TMPRSS15: variants seen among roughly 807,000 people sequenced by gnomAD.
TMPRSS15 encodes enteropeptidase.
Under a neutral mutation model 125.3 loss-of-function variants are expected in TMPRSS15, and 128 were observed. That is an observed-to-expected ratio of 1.02 (90% CI 0.89 to 1.18). The LOEUF (loss-of-function observed/expected upper bound fraction) is 1.18. Ranked by LOEUF, TMPRSS15 falls within the 50% of genes most tolerant of loss-of-function variation. The pLI is 0.00. For missense variants in TMPRSS15, 1,283 were observed against 1,212.7 expected (o/e 1.06, Z -0.86); for synonymous variants, 446 against 423.2 (o/e 1.05, Z -0.66).
chr21:18,445,331 C>A (rs1362117095), intron 1 of TMPRSS15, among the ~76,000 whole-genome samples: 1 of 151,680 alleles, frequency 6.6e-6, no homozygotes, highest in Non-Finnish European at 1.5e-5. Flanking sequence ...CAGTCATGCA[C>A]CACCACTCCT....
At chr21:18,329,419 A>G in intron 14 of TMPRSS15, 125 bp from the exon 15 acceptor site, 2 of 963,804 alleles carry the variant, frequency 2.1e-6, no homozygotes, top group Non-Finnish European at 3.0e-6. Context: ...CATGAAAATC[A>G]GTGTTTCAAG....
At chr21:18,365,464 CTCTCTCTT>C (rs924081430) in intron 6 of TMPRSS15, among the ~76,000 whole-genome samples, 8 of 151,938 alleles carry the variant, frequency 5.3e-5, no homozygotes, top group Non-Finnish European at 1.0e-4. Flanking sequence ...TTCTTTCTCT[CTCTCTCTT>C]TCTCTCTTTC....
chr21:18,373,970 T>C (rs1032458077), intron 5 of TMPRSS15, among the ~76,000 whole-genome samples: 5 of 151,994 alleles, frequency 3.3e-5, no homozygotes, highest in Non-Finnish European at 7.4e-5. Context: ...TCAAGTTAAG[T>C]GGGGGGAAAT....
intron 8 of TMPRSS15, among the ~76,000 whole-genome samples, chr21:18,358,942 GTTA>G (rs1438093180): frequency 6.6e-6 from 1 of 152,018 alleles, no homozygotes; most frequent in African/African-American, 2.4e-5. Flanking sequence ...TTAAAATAAA[GTTA>G]TTATATAAAA....
At chr21:18,380,499 G>A (rs1415652123) in intron 4 of TMPRSS15, 9 of 465,200 alleles carry the variant, frequency 1.9e-5, no homozygotes, top group Admixed American at 7.1e-5. Context: ...AGAGTTTGAT[G>A]ATCACTAAGT....
At chr21:18,293,408 T>C (rs971309451) in intron 21 of TMPRSS15, among the ~76,000 whole-genome samples, 1 of 152,132 alleles carries the variant, frequency 6.6e-6, no homozygotes, top group African/African-American at 2.4e-5. Context: ...CTAATCCTCA[T>C]GGGTAAGGTC....
At chr21:18,466,849 G>T (rs1055350776) in intron 1 of TMPRSS15, among the ~76,000 whole-genome samples, 2 of 152,150 alleles carry the variant, frequency 1.3e-5, no homozygotes, top group African/African-American at 4.8e-5. Context: ...AAGACAGTCT[G>T]GAGATTCCTC....
intron 21 of TMPRSS15, among the ~76,000 whole-genome samples, chr21:18,281,825 C>T (rs1327294827): frequency 2.0e-5 from 3 of 152,014 alleles, no homozygotes; most frequent in East Asian, 1.9e-4. Flanking sequence ...AAGCCAGGCG[C>T]GGTGGCTCAC....
At chr21:18,300,632 A>G (rs1315983755) in intron 18 of TMPRSS15, among the ~76,000 whole-genome samples, 1 of 152,174 alleles carries the variant, frequency 6.6e-6, no homozygotes, top group Non-Finnish European at 1.5e-5. Context: ...GGTGTGAGCC[A>G]CCACACCTGG....
At chr21:18,313,884 C>A (rs2075128917) in intron 17 of TMPRSS15, among the ~76,000 whole-genome samples, 1 of 130,086 alleles carries the variant, frequency 7.7e-6, no homozygotes, top group Non-Finnish European at 1.5e-5. Flanking sequence ...TTAGGAATTC[C>A]CTCCCCACCA....
At chr21:18,272,083 T>C (rs1267436810) in intron 24 of TMPRSS15, among the ~76,000 whole-genome samples, 1 of 152,204 alleles carries the variant, frequency 6.6e-6, no homozygotes, top group South Asian at 2.1e-4. Flanking sequence ...TTAATCCCAG[T>C]AAAGGGATTG....
At chr21:18,357,180 A>G (rs1380059433) in intron 8 of TMPRSS15, among the ~76,000 whole-genome samples, 1 of 151,910 alleles carries the variant, frequency 6.6e-6, no homozygotes, top group African/African-American at 2.4e-5. Context: ...CATATGAAGT[A>G]TTAATAATTA....
At chr21:18,365,396 AT>A in intron 6 of TMPRSS15, 148 bp from the exon 7 acceptor site, 3 of 736,754 alleles carry the variant, frequency 4.1e-6, no homozygotes, top group Non-Finnish European at 7.2e-6. Flanking sequence ...TTTGAAACCT[AT>A]TAGCCATGTT....
intron 18 of TMPRSS15, among the ~76,000 whole-genome samples, chr21:18,301,502 A>G (rs1236758260): frequency 1.3e-5 from 2 of 152,198 alleles, no homozygotes; most frequent in African/African-American, 4.8e-5. Flanking sequence ...TTCAGAGGAA[A>G]TGTATTATAT....
chr21:18,483,068 T>C (rs755893316), intron 1 of TMPRSS15, among the ~76,000 whole-genome samples: 8 of 151,840 alleles, frequency 5.3e-5, no homozygotes, highest in Non-Finnish European at 1.0e-4. Context: ...ATATTATTCA[T>C]ATGTGATTTA....
At chr21:18,270,225 A>G in intron 24 of TMPRSS15, 101 bp from the exon 25 acceptor site, 1 of 1,056,966 alleles carries the variant, frequency 9.5e-7, no homozygotes, top group Admixed American at 2.2e-5. Flanking sequence ...AAAATTAATT[A>G]AAAAATATGA....
At chr21:18,396,575 C>T (rs972118693) in intron 3 of TMPRSS15, among the ~76,000 whole-genome samples, 4 of 151,848 alleles carry the variant, frequency 2.6e-5, no homozygotes, top group Admixed American at 6.6e-5. Flanking sequence ...GAGATCGAGA[C>T]GATCTTGGCT....
rs561961491 is a variant in TMPRSS15 at position 18,307,781 on chromosome 21, T to C, written c.2165+5164A>G. Among the ~76,000 whole-genome samples the C allele has an allele frequency of 4.4e-4, 67 of 152,250 alleles. 1 individual carries two copies. The highest frequency in any genetic ancestry group is 1.2e-3 in the South Asian group (6 of 4,824). The stretch of plus-strand genomic sequence containing the variant: ...ATTTTGCTATCAGCCAACTAACAGG[T>C]TTCATTCAAATTAATTGAAAAAAAC... On this transcript the variant is annotated intron_variant, in intron 18 of 24. Transcript: ENST00000284885.
intron 23 of TMPRSS15, among the ~76,000 whole-genome samples, chr21:18,278,692 A>G (rs2074650635): frequency 6.6e-6 from 1 of 152,178 alleles, no homozygotes; most frequent in Admixed American, 6.5e-5. Context: ...ACTGCACTCC[A>G]GCCCGGGCCA....
Sources: gnomAD v4.1 joint callset for allele counts (sites outside exome capture counted in the v4.1 genomes callset) on GRCh38, gnomAD v4.1.1 for gene constraint, MANE v1.5 for transcripts, NCBI Gene and HGNC (gene_info 2026-07-23, HGNC 2026-07-21) for gene names.